The following FBXO15 variants were observed in gnomAD, a reference collection of about 807,000 sequenced individuals.
FBXO15 encodes F-box protein 15.
Under a neutral mutation model 49.5 loss-of-function variants are expected in FBXO15, and 30 were observed. The observed-to-expected ratio is 0.61, with a 90% confidence interval of 0.45 to 0.82. FBXO15 has a LOEUF of 0.82. Among genes scored for constraint, FBXO15 ranks in the 40% least tolerant of loss-of-function variants. The probability of loss-of-function intolerance (pLI) is 0.00; values close to 1 mark genes in which losing one functional copy is unlikely to be tolerated. For missense variants in FBXO15, 591 were observed against 631.5 expected, an observed-to-expected ratio of 0.94 and a Z score of 0.69; for synonymous variants, 250 against 232.7, an observed-to-expected ratio of 1.07 and a Z score of -0.68.
At chr18:74,124,401 C>T (rs1914610629) in intron 7 of FBXO15, 88 bp downstream of exon 7, 1 of 1,032,242 alleles carries the variant, frequency 9.7e-7, no homozygotes, top group Non-Finnish European at 1.5e-6. Flanking sequence ...ATCTCTGCAG[C>T]TATTCTCAGG....
chr18:74,085,457 G>A (rs1568157499), intron 8 of FBXO15, among the ~76,000 whole-genome samples: 1 of 152,176 alleles, frequency 6.6e-6, no homozygotes, highest in African/African-American at 2.4e-5. Flanking sequence ...GCCAGGTGTG[G>A]TGGCAGGCAT....
chr18:74,137,710 T>C (rs1277924901), intron 2 of FBXO15, among the ~76,000 whole-genome samples: 1 of 152,172 alleles, frequency 6.6e-6, no homozygotes, highest in Non-Finnish European at 1.5e-5. Flanking sequence ...TTTCACTTTG[T>C]GTGGGGTAAG....
Position 74,073,521 on chromosome 18 carries a change from G to T in FBXO15, c.1473C>A (p.Val491=). ...CGATACTAAGATAAAGGACCAGGTT[G>T]ACAATAAGGTATTCTTCGGTCTCTC... is the stretch of plus-strand genomic sequence containing the variant. ...WIRETEEYLI[V]NLVLYLSIAK... Residue 491 remains valine (V), a synonymous_variant, in exon 10 of 10, where the codon GTC becomes GTA. Transcript: ENST00000419743. 6.2e-7 allele frequency: 1 copy of T among 1,614,156 alleles called. No individual in the cohort carries two copies. Among genetic ancestry groups the T allele is most frequent in the South Asian group, 1.1e-5 (1 of 91,076 alleles).
intron 8 of FBXO15, among the ~76,000 whole-genome samples, chr18:74,087,277 G>T (rs1276947585): frequency 6.6e-6 from 1 of 152,090 alleles, no homozygotes; most frequent in African/African-American, 2.4e-5. Flanking sequence ...GCATGTGGAG[G>T]TTTGTTATAT....
intron 6 of FBXO15, among the ~76,000 whole-genome samples, chr18:74,125,280 A>G (rs1280205805): frequency 6.6e-6 from 1 of 152,190 alleles, no homozygotes; most frequent in Non-Finnish European, 1.5e-5. Context: ...CCCACAAGCC[A>G]CCTTCACACA....
At chr18:74,130,794 G>T in intron 3 of FBXO15, 136 bp from the exon 4 acceptor site, 1 of 936,874 alleles carries the variant, frequency 1.1e-6, no homozygotes, top group Non-Finnish European at 1.5e-6. Context: ...ACAGTTGAAC[G>T]TTCATCTGTT....
intron 1 of FBXO15, among the ~76,000 whole-genome samples, chr18:74,147,293 C>T (rs1979489889): frequency 6.6e-6 from 1 of 151,924 alleles, no homozygotes; most frequent in African/African-American, 2.4e-5. Context: ...ATGAAAAACA[C>T]GAAGGGAGAT....
intron 8 of FBXO15, among the ~76,000 whole-genome samples, chr18:74,102,457 G>C (rs959269721): frequency 6.6e-6 from 1 of 152,058 alleles, no homozygotes; most frequent in African/African-American, 2.4e-5. Flanking sequence ...AAACATAACA[G>C]ATGCTGGCAT....
Position 74,147,718 on chromosome 18 carries a change from C to T in FBXO15, c.68G>A (p.Ser23Asn), listed in dbSNP as rs753760038. ...WLGLQTLRGPSRGGGAARGRA... is the reference protein window; with the variant it reads ...WLGLQTLRGPNRGGGAARGRA... The stretch of plus-strand genomic sequence containing the variant: ...CCCCCGGGCCGCGCCACCGCCCCTG[C>T]TGGGCCCGCGCAGCGTCTGGAGGCC... The change falls in exon 1 of 10, where the codon AGC (serine) becomes AAC (asparagine). Residue 23 changes from serine to asparagine, a missense_variant. By Grantham distance (46) the Ser-to-Asn change is conservative. Transcript: ENST00000419743. 2.0e-6 allele frequency: 3 copies of T among 1,533,080 alleles called. No individual in the cohort carries two copies. The highest frequency in any genetic ancestry group is 2.4e-5 in the South Asian group (2 of 82,996). The allele number at this position is 1,533,080 out of a possible 1,614,324, so 95.0% of individuals were successfully genotyped here.
Position 74,108,361 on chromosome 18 carries a change from G to A in FBXO15, c.1138+15007C>T, listed in dbSNP as rs148574157. On this transcript the variant is annotated intron_variant, in intron 8 of 9. Coordinates refer to ENST00000419743, the MANE Select transcript of FBXO15 (RefSeq NM_001142958.2). ...AAACAGAAAAGTGGAAACTCTAAGA[G>A]AGAACCAAAATAAATGCCAGAGATT... Among the ~76,000 whole-genome samples the A allele has an allele frequency of 2.9e-3, 436 of 152,206 alleles. 3 individuals are homozygous for A. Among genetic ancestry groups the A allele is most frequent in the South Asian group, 7.9e-3 (38 of 4,822 alleles).
At chr18:74,078,663 A>C (rs1274234419) in intron 9 of FBXO15, 1 of 151,974 alleles carries the variant, frequency 6.6e-6, no homozygotes, top group Admixed American at 6.6e-5. Flanking sequence ...CTTTCTCCTC[A>C]CAGAACTTGT....
At chr18:74,093,256 A>C (rs1913127026) in intron 8 of FBXO15, among the ~76,000 whole-genome samples, 1 of 54,908 alleles carries the variant, frequency 1.8e-5, no homozygotes, top group Non-Finnish European at 5.5e-5. Context: ...GTGTGCTGGC[A>C]AAACAATGGG....
intron 2 of FBXO15, among the ~76,000 whole-genome samples, chr18:74,136,942 T>C (rs1978762732): frequency 6.6e-6 from 1 of 152,342 alleles, no homozygotes; most frequent in Admixed American, 6.5e-5. Context: ...ATTGTTATGA[T>C]TTTAAATTTG....
intron 8 of FBXO15, among the ~76,000 whole-genome samples, chr18:74,113,698 T>C (rs1914122630): frequency 6.6e-6 from 1 of 152,248 alleles, no homozygotes; most frequent in South Asian, 2.1e-4. Context: ...TTCCTCTCAA[T>C]ACTGATAAAA....
At chr18:74,145,972 C>T (rs1305360443) in intron 1 of FBXO15, among the ~76,000 whole-genome samples, 7 of 152,140 alleles carry the variant, frequency 4.6e-5, no homozygotes, top group Non-Finnish European at 7.3e-5. Context: ...CGAATCTATA[C>T]GTCTACAAGG....
chr18:74,114,998 C>T (rs1235815779), intron 8 of FBXO15, among the ~76,000 whole-genome samples: 1 of 152,140 alleles, frequency 6.6e-6, no homozygotes, highest in East Asian at 1.9e-4. Flanking sequence ...CTAGACACAG[C>T]TTCTTACTGA....
intron 8 of FBXO15, among the ~76,000 whole-genome samples, chr18:74,094,472 CT>C (rs1443960797): frequency 1.3e-5 from 2 of 152,180 alleles, no homozygotes; most frequent in African/African-American, 4.8e-5. Flanking sequence ...CCTGTACAGC[CT>C]ACAGAACCTC....
At chr18:74,128,812 A>AC (rs888113472) in intron 5 of FBXO15, among the ~76,000 whole-genome samples, 13 of 152,210 alleles carry the variant, frequency 8.5e-5, no homozygotes, top group Admixed American at 3.3e-4. Flanking sequence ...ACTAAGCATT[A>AC]CCCATGTGCT....
At chr18:74,142,368 T>C (rs560428240) in intron 1 of FBXO15, among the ~76,000 whole-genome samples, 10 of 152,354 alleles carry the variant, frequency 6.6e-5, no homozygotes, top group African/African-American at 2.4e-4. Context: ...GGTCCTAACA[T>C]AGTAATCATA....
Sources: allele counts gnomAD v4.1 joint callset (sites outside exome capture counted in the v4.1 genomes callset), GRCh38; gene constraint gnomAD v4.1.1; transcripts MANE v1.5; gene names NCBI Gene and HGNC (gene_info 2026-07-23, HGNC 2026-07-21).